Variants in PPP2R1B observed in about 807,000 individuals in gnomAD.
PPP2R1B encodes the protein protein phosphatase 2 scaffold subunit Abeta.
In PPP2R1B, 58 loss-of-function variants were observed where a neutral mutation model predicts 72.7. The observed-to-expected ratio is 0.80, with a 90% CI of 0.65 to 0.99. The LOEUF (loss-of-function observed/expected upper bound fraction) is 0.99. Among genes scored for constraint, PPP2R1B ranks in the 50% least tolerant of loss-of-function variants. PPP2R1B has a pLI of 0.00. For missense variants in PPP2R1B, 695 were observed against 733.6 expected (o/e 0.95, Z 0.61); for synonymous variants, 256 against 264.6 (o/e 0.97, Z 0.32).
chr11:111,753,025 T>C (rs1356702024), intron 9 of PPP2R1B, among the ~76,000 whole-genome samples: 1 of 152,234 alleles, frequency 6.6e-6, no homozygotes, highest in African/African-American at 2.4e-5. Flanking sequence ...CCTCACAGGA[T>C]TGTTGTGAGA....
Position 111,740,486 on chromosome 11 carries a change from G to T in PPP2R1B, c.*1110C>A. The stretch of plus-strand genomic sequence containing the variant: ...CCCAAATAGGTGCTTTTTAAAAAGG[G>T]CTTTAATACTGTTTAAGTAGTTCAA... On this transcript the variant is annotated 3_prime_UTR_variant, in exon 15 of 15. Transcript: ENST00000527614. 1.0e-6 allele frequency: 1 copy of T among 985,048 alleles called. No individual in the cohort carries two copies. Among genetic ancestry groups the T allele is most frequent in the Non-Finnish European group, 1.2e-6 (1 of 829,654 alleles). The allele number at this position is 985,048 out of a possible 1,614,324, so 61.0% of individuals were successfully genotyped here.
chr11:111,763,676 G>A (rs1945411317), intron 3 of PPP2R1B, among the ~76,000 whole-genome samples: 1 of 152,170 alleles, frequency 6.6e-6, no homozygotes, highest in Non-Finnish European at 1.5e-5. Context: ...TCTAGGTTTT[G>A]GCTTGTGCAA....
chr11:111,742,012 A>C lies in PPP2R1B; in HGVS notation c.1789+41T>G, dbSNP rs1944540060. 3.3e-6 allele frequency: 5 copies of C among 1,495,338 alleles called. No individual in the cohort carries two copies. The East Asian group carries it at 1.1e-4, about 34-fold the overall frequency. The allele number at this position is 1,495,338 out of a possible 1,614,324, so 92.6% of individuals were successfully genotyped here. On this transcript the variant is annotated intron_variant, in intron 14 of 14. Transcript: ENST00000527614. The stretch of plus-strand genomic sequence containing the variant: ...ACATAATAGAGATAAATCCCAGTTA[A>C]CCAAGGCATAAGCTGCAAGGCAAAA...
intron 11 of PPP2R1B, among the ~76,000 whole-genome samples, chr11:111,746,275 A>G (rs1213151950): frequency 1.3e-5 from 2 of 152,154 alleles, no homozygotes; most frequent in Non-Finnish European, 1.5e-5. Context: ...CATATACACC[A>G]CGGAATACTA....
chr11:111,706,959 CAAAAAAA>C, the PPP2R1B span, among the ~76,000 whole-genome samples: 3 of 52,112 alleles, frequency 5.8e-5, no homozygotes, highest in Non-Finnish European at 8.0e-5. Flanking sequence ...GACTCCGTCT[CAAAAAAA>C]AAAAAAAAAA....
At chr11:111,709,976 C>T in the PPP2R1B span, among the ~76,000 whole-genome samples, 1 of 152,342 alleles carries the variant, frequency 6.6e-6, no homozygotes, top group East Asian at 1.9e-4. Flanking sequence ...AGGGCATGGG[C>T]ATCTCATTTC....
chr11:111,738,126 C>T lies in PPP2R1B; in HGVS notation c.*3470G>A. ...AGGAGAGTAAGGAACTGGATGGAAA[C>T]AGGAATACTGGAGAATCAAAGGGAA... On this transcript the variant is annotated 3_prime_UTR_variant, in exon 15 of 15. Coordinates refer to ENST00000527614, the MANE Select transcript of PPP2R1B (RefSeq NM_002716.5). The T allele has an allele frequency of 1.0e-6, 1 of 987,840 alleles. No individual in the cohort carries two copies. Among genetic ancestry groups the T allele is most frequent in the African/African-American group, 1.7e-5 (1 of 57,372 alleles). The allele number at this position is 987,840 out of a possible 1,614,324, so 61.2% of individuals were successfully genotyped here. A position where few individuals can be genotyped will look rare whatever the true frequency, so the allele number is the denominator to read the frequency against.
chr11:111,741,382 G>A lies in PPP2R1B; in HGVS notation c.*214C>T, dbSNP rs930729429. ...TGTCAGGAATTGGTCAATAAGAACG[G>A]CTTAAATAATGATTTAACAAGGAAG... On this transcript the variant is annotated 3_prime_UTR_variant, in exon 15 of 15. Transcript: ENST00000527614. 5.0e-6 allele frequency: 7 copies of A among 1,388,382 alleles called. No homozygotes were observed. Among genetic ancestry groups the A allele is most frequent in the Non-Finnish European group, 6.5e-6 (7 of 1,075,118 alleles). The allele number at this position is 1,388,382 out of a possible 1,614,324, so 86.0% of individuals were successfully genotyped here. A position where few individuals can be genotyped will look rare whatever the true frequency, so the allele number is the denominator to read the frequency against.
the PPP2R1B span, among the ~76,000 whole-genome samples, chr11:111,708,231 A>C: frequency 2.0e-5 from 3 of 152,174 alleles, no homozygotes; most frequent in South Asian, 6.2e-4. Context: ...AAAACAAAAA[A>C]ATTAGCCGGT....
the PPP2R1B span, among the ~76,000 whole-genome samples, chr11:111,713,507 G>A: frequency 6.6e-6 from 1 of 152,114 alleles, no homozygotes; most frequent in Admixed American, 6.5e-5. Context: ...TGTGAGGTTT[G>A]GGACAGATTA....
In PPP2R1B at chr11:111,754,734, C is replaced by T. The variant is rs1274808901; in HGVS notation, c.959-165G>A. ...TAAACTTTTTCGTGAACTCTCTATG[C>T]CATTGCATATCACACCAATCCAACC... On this transcript the variant is annotated intron_variant, in intron 7 of 14. Coordinates refer to ENST00000527614, the MANE Select transcript of PPP2R1B (RefSeq NM_002716.5). Among the ~76,000 whole-genome samples the T allele has an allele frequency of 1.6e-4, 25 of 152,178 alleles. No homozygotes were observed. The East Asian group carries it at 4.8e-3, about 29-fold the overall frequency.
At chr11:111,726,739 A>T (rs917363564), downstream of PPP2R1B, 1 of 559,864 alleles carries the variant, frequency 1.8e-6, no homozygotes, top group Middle Eastern at 4.8e-4. Context: ...AAGGCTTAGT[A>T]TCGCTCTTTT....
the PPP2R1B span, chr11:111,720,130 G>C: frequency 1.1e-6 from 1 of 930,140 alleles, no homozygotes; most frequent in Admixed American, 2.1e-5. Context: ...TTATGGATTA[G>C]ATTCAGCAGG....
At chr11:111,753,012 C>T (rs1384127241) in intron 9 of PPP2R1B, among the ~76,000 whole-genome samples, 1 of 152,066 alleles carries the variant, frequency 6.6e-6, no homozygotes, top group African/African-American at 2.4e-5. Context: ...ATAATAAGAC[C>T]TACCTCACAG....
At chr11:111,702,716 GT>G in the PPP2R1B span, among the ~76,000 whole-genome samples, 2 of 152,220 alleles carry the variant, frequency 1.3e-5, no homozygotes, top group African/African-American at 2.4e-5. Flanking sequence ...CAGCAGTGCG[GT>G]TTTCTTGGTG....
chr11:111,688,046 G>T, the PPP2R1B span: 1 of 1,614,140 alleles, frequency 6.2e-7, no homozygotes, highest in Non-Finnish European at 8.5e-7. The surrounding 1 kb of genome is among the most constrained non-coding windows in gnomAD (Gnocchi z 4.2). Flanking sequence ...GAAGCCAGGC[G>T]AAAATTCTGG....
chr11:111,720,635 C>T, the PPP2R1B span: 2 of 1,614,090 alleles, frequency 1.2e-6, no homozygotes, highest in Non-Finnish European at 1.7e-6. Flanking sequence ...TGACATCTCC[C>T]TTCATAAGCC....
At chr11:111,707,779 AAAC>A in the PPP2R1B span, among the ~76,000 whole-genome samples, 6 of 152,198 alleles carry the variant, frequency 3.9e-5, no homozygotes, top group Non-Finnish European at 8.8e-5. Context: ...AAAATTGAGG[AAAC>A]AACATGATCC....
intron 15 of PPP2R1B, chr11:111,727,379 A>C: frequency 7.8e-6 from 3 of 382,726 alleles, no homozygotes; most frequent in Non-Finnish European, 9.6e-6. Context: ...GATATCAAGA[A>C]CTCCCAAGTG....
Sources: allele counts gnomAD v4.1 joint callset (sites outside exome capture counted in the v4.1 genomes callset), GRCh38; gene constraint gnomAD v4.1.1; non-coding constraint Gnocchi (gnomAD v3.1); transcripts MANE v1.5; gene names NCBI Gene and HGNC (gene_info 2026-07-23, HGNC 2026-07-21).